Variants in RNLS observed in about 807,000 individuals in gnomAD.
RNLS encodes the protein renalase.
In RNLS, 39 loss-of-function variants were observed where a neutral mutation model predicts 39.8. The ratio of observed to expected loss-of-function variants is 0.98; its 90% CI spans 0.76 to 1.28. The LOEUF is 1.28. Among genes scored for constraint, RNLS ranks in the 50% most tolerant of loss-of-function variants. The probability of loss-of-function intolerance (pLI) is 0.00; values close to 1 mark genes in which losing one functional copy is unlikely to be tolerated. For missense variants in RNLS, 410 were observed against 413.3 expected, an observed-to-expected ratio of 0.99 and a Z score of 0.07; for synonymous variants, 147 against 150.7, an observed-to-expected ratio of 0.98 and a Z score of 0.18.
chr10:88,489,613 A>G (rs999294019), intron 4 of RNLS, among the ~76,000 whole-genome samples: 7 of 152,172 alleles, frequency 4.6e-5, no homozygotes, highest in African/African-American at 2.4e-5. Flanking sequence ...CAAGGACCTC[A>G]TCAATTTGAG....
chr10:88,461,432 A>C (rs1254357165), intron 4 of RNLS, among the ~76,000 whole-genome samples: 1 of 152,124 alleles, frequency 6.6e-6, no homozygotes. Flanking sequence ...CTTCTCTTTT[A>C]CTTAGGTAAC....
At chr10:88,202,468 T>G in the RNLS span, among the ~76,000 whole-genome samples, 1 of 152,144 alleles carries the variant, frequency 6.6e-6, no homozygotes, top group African/African-American at 2.4e-5. Flanking sequence ...TATTTTTAGT[T>G]TCTTTCTCAT....
At chr10:88,386,299 A>AT (rs34470211) in intron 4 of RNLS, among the ~76,000 whole-genome samples, 11 of 151,496 alleles carry the variant, frequency 7.3e-5, no homozygotes, top group Admixed American at 2.0e-4. Flanking sequence ...ATTAGAGAGT[A>AT]TTTTTTTTTC....
intron 4 of RNLS, among the ~76,000 whole-genome samples, chr10:88,534,431 T>C (rs1372787009): frequency 6.6e-6 from 1 of 151,998 alleles, no homozygotes; most frequent in Non-Finnish European, 1.5e-5. Flanking sequence ...TCATACTAAC[T>C]ACAATTATAA....
chr10:88,368,264 A>G (rs1184258617), intron 4 of RNLS, among the ~76,000 whole-genome samples: 1 of 152,108 alleles, frequency 6.6e-6, no homozygotes, highest in East Asian at 1.9e-4. Context: ...CTAATTTAAT[A>G]AATGATAGCT....
chr10:88,581,529 T>C (rs778305999), intron 3 of RNLS, 38 bp downstream of exon 3: 7 of 1,551,824 alleles, frequency 4.5e-6, no homozygotes, highest in Non-Finnish European at 6.1e-6. Context: ...TTTTAAATGC[T>C]AATTTTAAAA....
At chr10:88,366,231 G>A (rs530698483) in intron 4 of RNLS, among the ~76,000 whole-genome samples, 57 of 152,204 alleles carry the variant, frequency 3.7e-4, no homozygotes, top group Non-Finnish European at 6.2e-4. Flanking sequence ...TGTTACCTCT[G>A]AGGATTTTAC....
rs192519222 is a variant in RNLS at position 88,380,396 on chromosome 10, G to A, written c.527-17671C>T. 9.3e-3 allele frequency among the ~76,000 whole-genome samples: 1,040 copies of A among 111,796 alleles called. 14 individuals are homozygous for A. Among genetic ancestry groups the A allele is most frequent in the African/African-American group, 0.033 (972 of 29,340 alleles). The allele number at this position is 111,796 out of a possible 152,430, so 73.3% of individuals were successfully genotyped here. ...TTTTTTTTTTTTTTTTTTTTGAGAC[G>A]ACGGAGTCTCTCTCTGTCACCCAGG... On this transcript the variant is annotated intron_variant, in intron 4 of 6. Transcript: ENST00000331772.
rs913852802 is a variant in RNLS, at chr10:88,554,015, T to C, written c.526+18888A>G. ...ACCACATCCTGAAAGAAACTACCAT[T>C]TACTTTTAGTTTCCTTTTTTTATAA... On this transcript the variant is annotated intron_variant, in intron 4 of 6. Transcript: ENST00000331772. 9.2e-5 allele frequency among the ~76,000 whole-genome samples: 14 copies of C among 152,300 alleles called. No individual in the cohort carries two copies. In the South Asian group the frequency reaches 1.4e-3, roughly 16 times the overall value.
At chr10:88,383,916 C>CACTA (rs1851700834) in intron 4 of RNLS, among the ~76,000 whole-genome samples, 2 of 152,106 alleles carry the variant, frequency 1.3e-5, no homozygotes, top group South Asian at 2.1e-4. Context: ...TGATAGGAAG[C>CACTA]ACTAACTTTG....
intron 5 of RNLS, among the ~76,000 whole-genome samples, chr10:88,341,535 C>T (rs1477241934): frequency 1.3e-5 from 2 of 151,996 alleles, no homozygotes; most frequent in Non-Finnish European, 2.9e-5. Flanking sequence ...GATCATTTCA[C>T]TACAGTCAAT....
At chr10:88,255,087 G>A in the RNLS span, among the ~76,000 whole-genome samples, 1 of 152,204 alleles carries the variant, frequency 6.6e-6, no homozygotes, top group African/African-American at 2.4e-5. Flanking sequence ...TACCTCGGAT[G>A]GGCCTACCCT....
intron 5 of RNLS, among the ~76,000 whole-genome samples, chr10:88,350,690 G>A (rs535313371): frequency 1.6e-4 from 24 of 152,134 alleles, no homozygotes; most frequent in South Asian, 8.3e-4. Context: ...TGCAATAAAT[G>A]TATGTGTGCA....
chr10:88,571,261 C>A (rs968250328), intron 4 of RNLS, among the ~76,000 whole-genome samples: 4 of 151,932 alleles, frequency 2.6e-5, no homozygotes, highest in Non-Finnish European at 5.9e-5. Flanking sequence ...GGATTATAGG[C>A]ATGAGCTACC....
rs767854409 is a variant in RNLS at position 88,362,583 on chromosome 10, G to C, written c.669C>G (p.Phe223Leu). 6.2e-7 allele frequency: 1 copy of C among 1,613,764 alleles called. No individual in the cohort carries two copies. The highest frequency in any genetic ancestry group is 1.1e-5 in the South Asian group (1 of 91,036). Residue 223 changes from phenylalanine to leucine, a missense_variant, in exon 5 of 7, where the codon TTC becomes TTG. Physicochemically the swap from Phe to Leu is conservative, Grantham distance 22. Transcript: ENST00000331772. ...TGCGCTTCTTATTATCAATGGAGAC[G>C]AAGCGTATGCAGGGATTACTGGTGA... is the stretch of plus-strand genomic sequence containing the variant. ...QYITSNPCIR[F>L]VSIDNKKRNI...
intron 4 of RNLS, among the ~76,000 whole-genome samples, chr10:88,521,818 G>A (rs1351697856): frequency 6.6e-6 from 1 of 151,998 alleles, no homozygotes; most frequent in Non-Finnish European, 1.5e-5. Context: ...AGAACACCAA[G>A]GACTAAGTCA....
the RNLS span, among the ~76,000 whole-genome samples, chr10:88,221,614 A>G: frequency 6.6e-6 from 1 of 152,228 alleles, no homozygotes; most frequent in South Asian, 2.1e-4. Context: ...GTGAGCATCA[A>G]TTATCACTTA....
chr10:88,264,607 T>C, the RNLS span, among the ~76,000 whole-genome samples: 1 of 152,238 alleles, frequency 6.6e-6, no homozygotes, highest in Admixed American at 6.5e-5. Context: ...CATTTCTTCA[T>C]ATGTTGGTTG....
At chr10:88,215,277 A>T in the RNLS span, among the ~76,000 whole-genome samples, 1 of 152,150 alleles carries the variant, frequency 6.6e-6, no homozygotes, top group African/African-American at 2.4e-5. Context: ...TTAAAATTTC[A>T]TTGACCCCTA....
Sources: gnomAD v4.1 joint callset for allele counts (sites outside exome capture counted in the v4.1 genomes callset) on GRCh38, gnomAD v4.1.1 for gene constraint, MANE v1.5 for transcripts, NCBI Gene and HGNC (gene_info 2026-07-23, HGNC 2026-07-21) for gene names.